CTNNA3: variants seen among roughly 807,000 people sequenced by gnomAD.
CTNNA3 encodes catenin alpha 3.
In CTNNA3, 76 loss-of-function variants were observed where a neutral mutation model predicts 95.7. That is an observed-to-expected ratio of 0.79 (90% CI 0.66 to 0.96). CTNNA3 has a LOEUF of 0.96. Ranked by LOEUF, CTNNA3 falls within the 40% of genes least tolerant of loss-of-function variation. The pLI, the probability that CTNNA3 is intolerant of heterozygous loss-of-function variation, is 0.00. For synonymous variants in CTNNA3, 431 were observed against 374.4 expected, an observed-to-expected ratio of 1.15 and a Z score of -1.74; for missense variants, 1,191 against 1,089.8, an observed-to-expected ratio of 1.09 and a Z score of -1.31.
At chr10:67,563,403 A>T (rs952546542) in intron 3 of CTNNA3, among the ~76,000 whole-genome samples, 3 of 152,212 alleles carry the variant, frequency 2.0e-5, no homozygotes, top group African/African-American at 4.8e-5. Context: ...AGGATTCCCT[A>T]TTTAATAAAT....
At chr10:67,079,849 A>G (rs1164249439) in intron 7 of CTNNA3, among the ~76,000 whole-genome samples, 1 of 144,204 alleles carries the variant, frequency 6.9e-6, no homozygotes, top group African/African-American at 2.6e-5. Context: ...CTCCATCTCA[A>G]AAAAACAAAA....
rs772499349 is a variant in CTNNA3, at chr10:66,732,954, C to T, written c.1281+33310G>A. Among the ~76,000 whole-genome samples the T allele has an allele frequency of 3.3e-4, 50 of 152,142 alleles. No individual in the cohort carries two copies. The Middle Eastern group carries it at 0.02, about 62-fold the overall frequency. On this transcript the variant is annotated intron_variant, in intron 9 of 17. Coordinates refer to ENST00000433211, the MANE Select transcript of CTNNA3 (RefSeq NM_013266.4). Reference sequence around the variant, plus strand: ...GGGATTACAGGCACCAGCCACCGCGCCCAGCTGATTTTTGGATTTTTAGTA... The same window carrying T: ...GGGATTACAGGCACCAGCCACCGCGTCCAGCTGATTTTTGGATTTTTAGTA...
intron 14 of CTNNA3, among the ~76,000 whole-genome samples, chr10:66,082,674 T>C (rs1205513373): frequency 7.3e-6 from 1 of 137,664 alleles, no homozygotes. Flanking sequence ...GAAAGGCCTA[T>C]AGGATCTCTG....
intron 11 of CTNNA3, among the ~76,000 whole-genome samples, chr10:66,515,269 C>G (rs1391249539): frequency 8.3e-6 from 1 of 120,886 alleles, no homozygotes; most frequent in Non-Finnish European, 1.7e-5. Context: ...TTCCCTATAT[C>G]TATCTATCTA....
In CTNNA3 at chr10:67,301,994, CGAAAGAACGAAAGAAA is replaced by C. The variant is rs532212024; in HGVS notation, c.580-82140_580-82125del. 6.1e-3 allele frequency among the ~76,000 whole-genome samples: 224 copies of C among 36,650 alleles called. 2 individuals are homozygous for C. The highest frequency in any genetic ancestry group is 0.014 in the East Asian group (17 of 1,222). 24.0% of individuals were successfully genotyped at this position (36,650 alleles called of 152,430 possible). A position where few individuals can be genotyped will look rare whatever the true frequency, so the allele number is the denominator to read the frequency against. ...AAAGAAAAAAGAAAGAAAGAAAGAA[CGAAAGAACGAAAGAAA>C]GAAAGAAAGAAAGAAAGAAAGAAAG... On this transcript the variant is annotated intron_variant, in intron 5 of 17. Transcript: ENST00000433211.
At chr10:67,502,921 C>T (rs764159654) in intron 5 of CTNNA3, among the ~76,000 whole-genome samples, 3 of 152,300 alleles carry the variant, frequency 2.0e-5, no homozygotes, top group Non-Finnish European at 2.9e-5. Context: ...GGGTGGGATC[C>T]GCTGAGCTAC....
rs557485885 is a variant in CTNNA3, at chr10:66,259,213, T to G, written c.1884+21257A>C. Among the ~76,000 whole-genome samples, 28 of 152,296 alleles carry G rather than the reference T, an allele frequency of 1.8e-4. No homozygotes were observed. The South Asian group carries it at 5.4e-3, about 29-fold the overall frequency. ...TGGGGCCTCTTAATGGAATCGTTTC[T>G]TCTCCCCATGAACAAGTTTTTCATG... is the stretch of plus-strand genomic sequence containing the variant. On this transcript the variant is annotated intron_variant, in intron 13 of 17. Coordinates refer to ENST00000433211, the MANE Select transcript of CTNNA3 (RefSeq NM_013266.4).
intron 5 of CTNNA3, among the ~76,000 whole-genome samples, chr10:67,266,998 C>A (rs2132406226): frequency 6.6e-6 from 1 of 152,128 alleles, no homozygotes; most frequent in East Asian, 1.9e-4. Flanking sequence ...TTGTTGAAAG[C>A]TTTTGAAATT....
At chr10:66,041,822 T>G (rs1255759088) in intron 15 of CTNNA3, among the ~76,000 whole-genome samples, 1 of 152,204 alleles carries the variant, frequency 6.6e-6, no homozygotes, top group Non-Finnish European at 1.5e-5. Context: ...CTGGGATACC[T>G]AACTCCATTC....
intron 11 of CTNNA3, among the ~76,000 whole-genome samples, chr10:66,429,006 G>A (rs537260670): frequency 6.6e-6 from 1 of 151,912 alleles, no homozygotes; most frequent in Admixed American, 6.6e-5. Context: ...TAGACCGCTA[G>A]CAAGACTAAT....
chr10:66,115,020 T>C (rs556877108), intron 13 of CTNNA3, among the ~76,000 whole-genome samples: 3 of 152,300 alleles, frequency 2.0e-5, no homozygotes, highest in African/African-American at 4.8e-5. Flanking sequence ...CATTTTTCTA[T>C]CTTTTATCAT....
intron 9 of CTNNA3, among the ~76,000 whole-genome samples, chr10:66,735,948 C>G (rs1409225103): frequency 3.9e-5 from 6 of 152,162 alleles, no homozygotes; most frequent in African/African-American, 1.4e-4. Flanking sequence ...CTCCACGTGT[C>G]TTGTGTTCTT....
At chr10:67,463,079 T>C (rs1045225231) in intron 5 of CTNNA3, among the ~76,000 whole-genome samples, 1 of 152,006 alleles carries the variant, frequency 6.6e-6, no homozygotes, top group Non-Finnish European at 1.5e-5. Flanking sequence ...AATTTTTCTA[T>C]GTTCAGTAGA....
At chr10:66,341,061 T>A (rs1403901786) in intron 12 of CTNNA3, among the ~76,000 whole-genome samples, 1 of 151,920 alleles carries the variant, frequency 6.6e-6, no homozygotes, top group Non-Finnish European at 1.5e-5. Flanking sequence ...TTAAGTGCCA[T>A]GAACTATCAT....
chr10:66,037,448 T>G (rs2079589219), intron 15 of CTNNA3, among the ~76,000 whole-genome samples: 1 of 152,178 alleles, frequency 6.6e-6, no homozygotes, highest in African/African-American at 2.4e-5. Flanking sequence ...CTCATAGGAA[T>G]CATAATTCAG....
chr10:66,860,594 A>G (rs1015360145), intron 7 of CTNNA3, among the ~76,000 whole-genome samples: 6 of 152,124 alleles, frequency 3.9e-5, no homozygotes, highest in Non-Finnish European at 8.8e-5. Context: ...TTTTCTAAGC[A>G]ATGTTTCTCT....
At chr10:66,694,304 C>G (rs1399236608) in intron 9 of CTNNA3, among the ~76,000 whole-genome samples, 1 of 151,820 alleles carries the variant, frequency 6.6e-6, no homozygotes, top group East Asian at 1.9e-4. Context: ...CACAGAAATA[C>G]AAACTACCAT....
At chr10:66,944,707 C>T (rs1206581258) in intron 7 of CTNNA3, among the ~76,000 whole-genome samples, 1 of 152,154 alleles carries the variant, frequency 6.6e-6, no homozygotes, top group Non-Finnish European at 1.5e-5. Flanking sequence ...CAGCAAGAGA[C>T]TTATAAAAGG....
chr10:66,808,950 T>C (rs1191108087), intron 7 of CTNNA3, among the ~76,000 whole-genome samples: 2 of 152,222 alleles, frequency 1.3e-5, no homozygotes, highest in South Asian at 2.1e-4. Flanking sequence ...TGTTGCTTTA[T>C]TGAAACCAAA....
Sources: gnomAD v4.1 joint callset for allele counts (sites outside exome capture counted in the v4.1 genomes callset) on GRCh38, gnomAD v4.1.1 for gene constraint, MANE v1.5 for transcripts, NCBI Gene and HGNC (gene_info 2026-07-23, HGNC 2026-07-21) for gene names.